Variants in AFG3L2 observed in about 807,000 individuals in gnomAD.
The protein encoded by AFG3L2 is mitochondrial inner membrane m-AAA protease component AFG3L2.
A neutral mutation model predicts 94.5 loss-of-function variants in AFG3L2; 54 were observed. That is an observed-to-expected ratio of 0.57 (90% CI 0.46 to 0.72). The LOEUF (loss-of-function observed/expected upper bound fraction) is 0.72, where lower values mean the gene tolerates loss of function less well. Ranked by LOEUF, AFG3L2 falls within the 30% of genes least tolerant of loss-of-function variation. AFG3L2 has a pLI of 0.00. For missense variants in AFG3L2, 754 were observed against 994.9 expected (o/e 0.76, Z 3.26); for synonymous variants, 377 against 365.5 (o/e 1.03, Z -0.36).
chr18:12,374,716 G>A (rs140705713), intron 1 of AFG3L2, among the ~76,000 whole-genome samples: 402 of 152,266 alleles, frequency 2.6e-3, no homozygotes, highest in Admixed American at 5.2e-3. Flanking sequence ...TCACAATGCA[G>A]ATCCCCACCT....
chr18:12,339,423 A>G (rs1395911231), intron 15 of AFG3L2, among the ~76,000 whole-genome samples: 3 of 150,276 alleles, frequency 2.0e-5, no homozygotes, highest in Non-Finnish European at 4.4e-5. Context: ...GTGGTGGCAC[A>G]TGAATGTAAT....
In AFG3L2 at chr18:12,371,699, A is replaced by G; in HGVS notation, c.115-8T>C. ...TGTAACAAATCGGTAAAGCTGCAAC[A>G]AGACATAAAAATAAAACCATAGTTA... On this transcript the variant is annotated splice_region_variant and splice_polypyrimidine_tract_variant and intron_variant, in intron 1 of 16. Transcript: ENST00000269143. 1 of 1,611,000 alleles carries G rather than the reference A, an allele frequency of 6.2e-7. No individual in the cohort carries two copies. Among genetic ancestry groups the G allele is most frequent in the Non-Finnish European group, 8.5e-7 (1 of 1,177,590 alleles).
At chr18:12,347,148 A>AC (rs1908166806) in intron 13 of AFG3L2, among the ~76,000 whole-genome samples, 1 of 152,124 alleles carries the variant, frequency 6.6e-6, no homozygotes, top group Admixed American at 6.6e-5. Flanking sequence ...AAACAAAACA[A>AC]AACAACAACA....
At chr18:12,372,131 C>G (rs1393952199) in intron 1 of AFG3L2, among the ~76,000 whole-genome samples, 3 of 151,936 alleles carry the variant, frequency 2.0e-5, no homozygotes, top group Non-Finnish European at 4.4e-5. Flanking sequence ...TGGTGAAACC[C>G]CGTCTCTACT....
chr18:12,346,114 C>G (rs1202980692), intron 13 of AFG3L2, among the ~76,000 whole-genome samples: 1 of 152,202 alleles, frequency 6.6e-6, no homozygotes, highest in Non-Finnish European at 1.5e-5. Context: ...TTTCCTGTCC[C>G]CTCCAGCCTA....
intron 15 of AFG3L2, 52 bp from the exon 16 acceptor site, chr18:12,337,587 CA>C (rs767149540): frequency 6.4e-7 from 1 of 1,572,160 alleles, no homozygotes; most frequent in Admixed American, 1.7e-5. Flanking sequence ...TTTAACCAGA[CA>C]AAATCTACAC....
intron 3 of AFG3L2, 121 bp downstream of exon 3, chr18:12,370,728 G>C (rs548921994): frequency 2.8e-6 from 2 of 714,876 alleles, no homozygotes; most frequent in Non-Finnish European, 4.8e-6. Context: ...CAAAAGGCTG[G>C]GATTACAGGC....
intron 6 of AFG3L2, among the ~76,000 whole-genome samples, chr18:12,362,169 C>A (rs1021839934): frequency 6.6e-6 from 1 of 152,146 alleles, no homozygotes; most frequent in Non-Finnish European, 1.5e-5. Context: ...AGCATTAAGC[C>A]CTTCTCTACT....
rs1014231173 is a variant in AFG3L2, at chr18:12,349,386, G to C, written c.1553-1003C>G. 2.6e-5 allele frequency among the ~76,000 whole-genome samples: 4 copies of C among 152,216 alleles called. No homozygotes were observed. The East Asian group carries it at 7.7e-4, about 29-fold the overall frequency. ...AAAGTTAGAGTTACCATATCACCCA[G>C]CAATTCCACTCCTAGGTATATACCA... On this transcript the variant is annotated intron_variant, in intron 12 of 16. Transcript: ENST00000269143.
In AFG3L2 at chr18:12,353,016, A is replaced by G; in HGVS notation, c.1307T>C (p.Val436Ala). The change falls in exon 10 of 17, where the codon GTG (valine) becomes GCG (alanine). Residue 436 changes from valine to alanine, a missense_variant. By Grantham distance (64) the Val-to-Ala change is moderately conservative (BLOSUM62 0). This residue lies in a region of AFG3L2 where 109 missense variants were observed against 227.1 expected (regional missense o/e 0.48). Transcript: ENST00000269143. ...EQENTLNQLL[V>A]EMDGFNTTTN... ...CCTTGACCACTCACCATCCATCTCC[A>G]CCAGCAGCTGGTTGAGTGTGTTCTC... 2 of 1,612,606 alleles carry G rather than the reference A, an allele frequency of 1.2e-6. No individual in the cohort carries two copies. The highest frequency in any genetic ancestry group is 1.7e-6 in the Non-Finnish European group (2 of 1,179,758).
At chr18:12,331,566 G>A (rs754740651) in intron 16 of AFG3L2, among the ~76,000 whole-genome samples, 5 of 152,100 alleles carry the variant, frequency 3.3e-5, no homozygotes, top group South Asian at 4.1e-4. Context: ...ACTTTGGGGC[G>A]GCGGATCACC....
chr18:12,351,359 A>G lies in AFG3L2; in HGVS notation c.1373T>C (p.Ile458Thr). The change falls in exon 11 of 17, where the codon ATC becomes ACC. Residue 458 changes from isoleucine to threonine, a missense_variant. Ile to Thr is a moderately conservative substitution (Grantham distance 89, BLOSUM62 -1). This residue lies in a region of AFG3L2 where 109 missense variants were observed against 227.1 expected (regional missense o/e 0.48). Transcript: ENST00000269143. ...VILAGTNRPD[I>T]LDPALLRPGR... ...CGGCCTAAGCAGCGCGGGGTCCAGG[A>G]TATCTGGTCGATTGGTGCCGGCCAA... 3.1e-6 allele frequency: 5 copies of G among 1,614,186 alleles called. No individual in the cohort carries two copies. The highest frequency in any genetic ancestry group is 4.2e-6 in the Non-Finnish European group (5 of 1,180,034).
chr18:12,340,522 G>A (rs769255220), intron 14 of AFG3L2, 121 bp from the exon 15 acceptor site: 12 of 803,568 alleles, frequency 1.5e-5, no homozygotes, highest in Non-Finnish European at 2.4e-5. Flanking sequence ...CAGTTCATCA[G>A]CCTTAGTGGG....
Position 12,329,488 on chromosome 18 carries a change from C to T in AFG3L2, c.*77G>A, listed in dbSNP as rs1210146429. ...CTAAAATCAGCGCAGCATTCCCATT[C>T]TTCTGAAAGCCACAGCTGAAATAAT... On this transcript the variant is annotated 3_prime_UTR_variant, in exon 17 of 17. Transcript: ENST00000269143. The T allele has an allele frequency of 6.8e-6, 10 of 1,463,300 alleles. No individual in the cohort carries two copies. The highest frequency in any genetic ancestry group is 9.6e-6 in the Non-Finnish European group (10 of 1,044,684). 90.6% of individuals were successfully genotyped at this position (1,463,300 alleles called of 1,614,324 possible). A position where few individuals can be genotyped will look rare whatever the true frequency, so the allele number is the denominator to read the frequency against.
Position 12,367,106 on chromosome 18 carries a change from T to C in AFG3L2, c.411A>G (p.Pro137=). 4 of 1,614,208 alleles carry C rather than the reference T, an allele frequency of 2.5e-6. No individual in the cohort carries two copies. Among genetic ancestry groups the C allele is most frequent in the East Asian group, 2.2e-5 (1 of 44,888 alleles). Residue 137 remains proline (P), a synonymous_variant, in exon 5 of 17, where the codon CCA becomes CCG. Coordinates refer to ENST00000269143, the MANE Select transcript of AFG3L2 (RefSeq NM_006796.3). ...ACATCCTGAAATCCTTGTCGTCCCA[T>C]GGAATGTCACCCTGGGCAGAGAGGG... ...WWSRFQKGDI[P]WDDKDFRMFF...
At chr18:12,331,808 AATAT>A (rs35558132) in intron 16 of AFG3L2, among the ~76,000 whole-genome samples, 35 of 146,362 alleles carry the variant, frequency 2.4e-4, no homozygotes, top group African/African-American at 8.7e-4. Flanking sequence ...TAAATAAATA[AATAT>A]ATATATATAT....
In AFG3L2 at chr18:12,371,611, G is replaced by C. The variant is rs1908993127; in HGVS notation, c.195C>G (p.Phe65Leu). ...LTDIIAAYQR[F>L]CSRPPKGFEK... ...ATTTACCTTTTGGGGGTCGAGAACA[G>C]AATCTTTGATAAGCAGCAATTATAT... Residue 65 changes from phenylalanine to leucine, a missense_variant, in exon 2 of 17, where the codon TTC (phenylalanine) becomes TTG (leucine). Phe to Leu is a conservative substitution (Grantham distance 22). Transcript: ENST00000269143. 2 of 1,613,936 alleles carry C rather than the reference G, an allele frequency of 1.2e-6. No individual in the cohort carries two copies.
chr18:12,346,209 T>C, intron 13 of AFG3L2, among the ~76,000 whole-genome samples: 1 of 152,166 alleles, frequency 6.6e-6, no homozygotes, highest in Middle Eastern at 3.2e-3. Context: ...ACGGGTGACC[T>C]TGCTGACTCA....
Position 12,367,094 on chromosome 18 carries a change from C to G in AFG3L2, c.423G>C (p.Lys141Asn). 6.2e-7 allele frequency: 1 copy of G among 1,614,204 alleles called. No homozygotes were observed. The change falls in exon 5 of 17, where the codon AAG (lysine) becomes AAC (asparagine). Residue 141 changes from lysine (K) to asparagine (N), a missense_variant. Physicochemically the swap from Lys to Asn is moderately conservative, Grantham distance 94. Coordinates refer to ENST00000269143, the MANE Select transcript of AFG3L2 (RefSeq NM_006796.3). ...FQKGDIPWDDKDFRMFFLWTA... is the reference protein window; with the variant it reads ...FQKGDIPWDDNDFRMFFLWTA... ...TCCAGAGGAAGAACATCCTGAAATC[C>G]TTGTCGTCCCATGGAATGTCACCCT...
Sources: gnomAD v4.1 joint callset for allele counts (sites outside exome capture counted in the v4.1 genomes callset) on GRCh38, gnomAD v4.1.1 for gene constraint, gnomAD v4.1.1 regional missense constraint, MANE v1.5 for transcripts, NCBI Gene and HGNC (gene_info 2026-07-23, HGNC 2026-07-21) for gene names.